The following GALNTL5 variants were observed in gnomAD, a reference collection of about 807,000 sequenced individuals.
GALNTL5 encodes inactive polypeptide N-acetylgalactosaminyltransferase-like protein 5.
A neutral mutation model predicts 51.0 loss-of-function variants in GALNTL5; 44 were observed. That is an observed-to-expected ratio of 0.86 (90% CI 0.68 to 1.11). GALNTL5 has a LOEUF of 1.11. GALNTL5 is among the 50% of genes least tolerant of loss of function. The pLI, the probability that GALNTL5 is intolerant of heterozygous loss-of-function variation, is 0.00. For synonymous variants in GALNTL5, 192 were observed against 182.8 expected (o/e 1.05, Z -0.41); for missense variants, 528 against 531.8 (o/e 0.99, Z 0.07).
intron 5 of GALNTL5, among the ~76,000 whole-genome samples, chr7:151,999,756 G>A (rs1047934645): frequency 6.6e-5 from 10 of 152,204 alleles, no homozygotes; most frequent in African/African-American, 2.4e-4. Context: ...GGTGAAAAAT[G>A]TGAAGTATAA....
intron 5 of GALNTL5, among the ~76,000 whole-genome samples, chr7:151,993,244 A>C (rs1484232050): frequency 6.6e-6 from 1 of 152,120 alleles, no homozygotes. Flanking sequence ...AAAAAAAAAA[A>C]AAAAAGGAAG....
intron 4 of GALNTL5, among the ~76,000 whole-genome samples, 191 bp downstream of exon 4, chr7:151,983,343 AATTTTTGT>A (rs2081319586): frequency 6.6e-6 from 1 of 151,836 alleles, no homozygotes; most frequent in South Asian, 2.1e-4. Flanking sequence ...ACGCCCGGCT[AATTTTTGT>A]ATTTTTAGTA....
At chr7:151,972,309 C>T (rs2081154528) in intron 3 of GALNTL5, among the ~76,000 whole-genome samples, 1 of 152,098 alleles carries the variant, frequency 6.6e-6, no homozygotes, top group South Asian at 2.1e-4. Flanking sequence ...GGCATTTTGC[C>T]CCTACCCTAG....
chr7:152,014,908 T>G, intron 8 of GALNTL5, 115 bp downstream of exon 8: 1 of 925,220 alleles, frequency 1.1e-6, no homozygotes, highest in East Asian at 2.6e-5. Flanking sequence ...GTCATTATCC[T>G]AAGCAAATTA....
chr7:151,984,518 C>T (rs2081336638), intron 4 of GALNTL5, among the ~76,000 whole-genome samples: 1 of 152,190 alleles, frequency 6.6e-6, no homozygotes, highest in Admixed American at 6.5e-5. Context: ...CTGAATGTGA[C>T]TCAAGTCACT....
intron 1 of GALNTL5, among the ~76,000 whole-genome samples, chr7:151,964,360 C>T (rs1258314164): frequency 6.6e-6 from 1 of 152,046 alleles, no homozygotes; most frequent in Non-Finnish European, 1.5e-5. Context: ...TGGTTGTGTC[C>T]CCACCCAAAT....
chr7:151,987,906 G>A (rs961109681), intron 5 of GALNTL5, among the ~76,000 whole-genome samples: 3 of 152,182 alleles, frequency 2.0e-5, no homozygotes, highest in East Asian at 1.9e-4. Context: ...ACCGGGTGGC[G>A]CATCTCCACT....
rs76767847 is a variant in GALNTL5, at chr7:152,016,404, C to CAAAA, written c.1176+1624_1176+1627dup. Among the ~76,000 whole-genome samples the CAAAA allele has an allele frequency of 4.3e-3, 474 of 109,618 alleles. 1 individual carries two copies. The highest frequency in any genetic ancestry group is 0.015 in the African/African-American group (463 of 30,074). 71.9% of individuals were successfully genotyped at this position (109,618 alleles called of 152,430 possible). A position where few individuals can be genotyped will look rare whatever the true frequency, so the allele number is the denominator to read the frequency against. On this transcript the variant is annotated intron_variant, in intron 8 of 8. Coordinates refer to ENST00000392800, the MANE Select transcript of GALNTL5 (RefSeq NM_145292.4). ...GGGCAACGAGAGCAAAACTCCGTCT[C>CAAAA]AAAAAAAAAAAAAAAATCTTATGGG...
At chr7:151,988,892 GT>G (rs2081394049) in intron 5 of GALNTL5, among the ~76,000 whole-genome samples, 1 of 151,882 alleles carries the variant, frequency 6.6e-6, no homozygotes, top group African/African-American at 2.4e-5. Flanking sequence ...TAGAGACGGG[GT>G]TTTGCCATGT....
chr7:151,994,362 C>T (rs1473013855), intron 5 of GALNTL5, among the ~76,000 whole-genome samples: 1 of 152,134 alleles, frequency 6.6e-6, no homozygotes, highest in East Asian at 1.9e-4. Flanking sequence ...AGCCTGGAGA[C>T]GGGTTTTCAC....
chr7:151,988,444 C>T (rs1448657321), intron 5 of GALNTL5, among the ~76,000 whole-genome samples: 5 of 152,160 alleles, frequency 3.3e-5, no homozygotes, highest in Admixed American at 6.5e-5. Context: ...GATGAAATGT[C>T]CCTGCTCCTT....
At chr7:151,975,888 T>C (rs1256419086) in intron 3 of GALNTL5, among the ~76,000 whole-genome samples, 1 of 152,182 alleles carries the variant, frequency 6.6e-6, no homozygotes, top group Non-Finnish European at 1.5e-5. Flanking sequence ...TTCTGAAATT[T>C]GTCTCATTAT....
intron 3 of GALNTL5, among the ~76,000 whole-genome samples, chr7:151,973,749 G>C (rs2151942268): frequency 6.6e-6 from 1 of 151,340 alleles, no homozygotes; most frequent in East Asian, 2.0e-4. Flanking sequence ...AGGCGTGATT[G>C]GTTTTGAAAT....
intron 7 of GALNTL5, among the ~76,000 whole-genome samples, chr7:152,009,010 A>T (rs1478908857): frequency 6.6e-6 from 1 of 152,190 alleles, no homozygotes; most frequent in Non-Finnish European, 1.5e-5. Flanking sequence ...GCAAATGACA[A>T]CTAATTTATT....
chr7:151,977,623 GT>G (rs1198992429), intron 3 of GALNTL5, among the ~76,000 whole-genome samples: 1 of 152,058 alleles, frequency 6.6e-6, no homozygotes, highest in African/African-American at 2.4e-5. Flanking sequence ...GAATTTGAAA[GT>G]TTTTGACTCT....
intron 5 of GALNTL5, among the ~76,000 whole-genome samples, chr7:151,994,431 C>T (rs1295000794): frequency 6.6e-6 from 1 of 152,074 alleles, no homozygotes; most frequent in Non-Finnish European, 1.5e-5. Flanking sequence ...GAGCTATTTG[C>T]ATTATTACAA....
intron 1 of GALNTL5, among the ~76,000 whole-genome samples, chr7:151,965,411 T>C (rs998369230): frequency 2.6e-5 from 4 of 152,232 alleles, no homozygotes; most frequent in Admixed American, 2.6e-4. Flanking sequence ...ATCTATCATC[T>C]TTAAAGGAAA....
intron 2 of GALNTL5, 56 bp downstream of exon 2, chr7:151,967,549 A>G: frequency 6.7e-7 from 1 of 1,497,926 alleles, no homozygotes; most frequent in South Asian, 1.2e-5. Context: ...GTACAACAAT[A>G]TTTAATATTT....
intron 7 of GALNTL5, among the ~76,000 whole-genome samples, chr7:152,010,515 C>T (rs1277434183): frequency 6.6e-6 from 1 of 152,104 alleles, no homozygotes; most frequent in East Asian, 1.9e-4. Flanking sequence ...CACCTATAAT[C>T]CCAGCACTTG....
Sources: allele counts gnomAD v4.1 joint callset (sites outside exome capture counted in the v4.1 genomes callset), GRCh38; gene constraint gnomAD v4.1.1; transcripts MANE v1.5; gene names NCBI Gene and HGNC (gene_info 2026-07-23, HGNC 2026-07-21).